The following CAMTA1 variants were observed in gnomAD, a reference collection of about 807,000 sequenced individuals.
CAMTA1 encodes calmodulin binding transcription activator 1, also known as calmodulin-binding transcription activator 1.
CAMTA1 carries 27 observed loss-of-function variants against 170.9 expected under a neutral mutation model. The ratio of observed to expected loss-of-function variants is 0.16; its 90% CI spans 0.12 to 0.22. CAMTA1 has a LOEUF of 0.22. Ranked by LOEUF, CAMTA1 falls within the 10% of genes least tolerant of loss-of-function variation. The probability of loss-of-function intolerance (pLI) is 1.00; values close to 1 mark genes in which losing one functional copy is unlikely to be tolerated. For missense variants in CAMTA1, 1,619 were observed against 2,217.2 expected, an observed-to-expected ratio of 0.73 and a Z score of 5.42; for synonymous variants, 833 against 891.5, an observed-to-expected ratio of 0.93 and a Z score of 1.17.
chr1:7,015,967 A>G (rs193036705), intron 3 of CAMTA1, among the ~76,000 whole-genome samples: 280 of 152,346 alleles, frequency 1.8e-3, no homozygotes, highest in African/African-American at 5.9e-3. Context: ...AGAACTCACT[A>G]TCATGAGAAC....
chr1:7,391,138 C>T (rs557664049), intron 5 of CAMTA1, among the ~76,000 whole-genome samples: 1 of 152,292 alleles, frequency 6.6e-6, no homozygotes, highest in East Asian at 1.9e-4. Flanking sequence ...GCCGGGATTA[C>T]AGGCATGTGC....
chr1:7,142,821 T>C (rs1645965938), intron 4 of CAMTA1, among the ~76,000 whole-genome samples: 1 of 152,222 alleles, frequency 6.6e-6, no homozygotes, highest in African/African-American at 2.4e-5. Context: ...CCTCTTTCCT[T>C]TATAAATTAC....
intron 5 of CAMTA1, among the ~76,000 whole-genome samples, chr1:7,396,782 T>C (rs995111288): frequency 6.6e-6 from 1 of 152,184 alleles, no homozygotes; most frequent in African/African-American, 2.4e-5. Flanking sequence ...ATTATGTTAA[T>C]GTGATGTATC....
At chr1:7,164,424 T>C (rs1647931759) in intron 4 of CAMTA1, among the ~76,000 whole-genome samples, 1 of 152,220 alleles carries the variant, frequency 6.6e-6, no homozygotes, top group African/African-American at 2.4e-5. Flanking sequence ...TAGAGAAAGC[T>C]AGGGGTTTGA....
chr1:7,269,110 G>A (rs1257194774), intron 5 of CAMTA1, among the ~76,000 whole-genome samples: 1 of 152,228 alleles, frequency 6.6e-6, no homozygotes, highest in East Asian at 1.9e-4. Context: ...CAGGAATCCA[G>A]ACATGGCTTG....
chr1:7,475,775 A>T (rs1250220573), intron 6 of CAMTA1, among the ~76,000 whole-genome samples: 2 of 152,234 alleles, frequency 1.3e-5, no homozygotes, highest in Admixed American at 1.3e-4. Flanking sequence ...CCAGTGTTTC[A>T]TAGAAGAAGA....
At chr1:7,220,817 G>C (rs1021018848) in intron 4 of CAMTA1, among the ~76,000 whole-genome samples, 2 of 152,206 alleles carry the variant, frequency 1.3e-5, no homozygotes, top group African/African-American at 4.8e-5. Flanking sequence ...CCCAACTTTG[G>C]GTTTTAACTT....
At chr1:7,608,161 G>A (rs1219800150) in intron 6 of CAMTA1, among the ~76,000 whole-genome samples, 2 of 152,194 alleles carry the variant, frequency 1.3e-5, no homozygotes, top group Admixed American at 6.5e-5. Context: ...TTCAGACCTT[G>A]GCTCTCCTGC....
chr1:7,750,592 G>A (rs545906319), intron 19 of CAMTA1, among the ~76,000 whole-genome samples: 5 of 152,362 alleles, frequency 3.3e-5, no homozygotes, highest in South Asian at 4.1e-4. Context: ...TGGGTCGTCC[G>A]CAGCTCTGTG....
At chr1:7,718,149 C>T (rs75200821) in intron 11 of CAMTA1, among the ~76,000 whole-genome samples, 2,067 of 152,252 alleles carry the variant, frequency 0.014, 54 homozygotes, top group African/African-American at 0.047. Context: ...TTGTCTTGTT[C>T]ACCCTTAGTT....
At chr1:6,917,569 A>C (rs1237623320) in intron 3 of CAMTA1, among the ~76,000 whole-genome samples, 4 of 150,774 alleles carry the variant, frequency 2.7e-5, no homozygotes, top group Non-Finnish European at 5.9e-5. Context: ...GGGTGGGGGG[A>C]AGGGAGGCGT....
chr1:6,860,795 C>G lies in CAMTA1; in HGVS notation c.234+35585C>G, dbSNP rs187068708. Among the ~76,000 whole-genome samples, 11 of 151,870 alleles carry G rather than the reference C, an allele frequency of 7.2e-5. No individual in the cohort carries two copies. The East Asian group carries it at 2.1e-3, about 30-fold the overall frequency. ...GGCGTGGTGGTGCATGCCTGTAATCCCAGCTACTTGGGAGGCTGAGGTGGG... is the reference window on the plus strand; with the variant it reads ...GGCGTGGTGGTGCATGCCTGTAATCGCAGCTACTTGGGAGGCTGAGGTGGG... On this transcript the variant is annotated intron_variant, in intron 3 of 22. Transcript: ENST00000303635.
rs112571156 is a variant in CAMTA1 at position 6,884,291 on chromosome 1, GACACACACACAC to G, written c.234+59115_234+59126del. Among the ~76,000 whole-genome samples the G allele has an allele frequency of 4.5e-3, 618 of 136,622 alleles. 3 individuals are homozygous for G. The highest frequency in any genetic ancestry group is 0.03 in the South Asian group (120 of 4,014). 89.6% of individuals were successfully genotyped at this position (136,622 alleles called of 152,430 possible). ...CAGAGAATTTAGCTTATTCTCTAGA[GACACACACACAC>G]ACACACACACACACACACACACACA... On this transcript the variant is annotated intron_variant, in intron 3 of 22. Coordinates refer to ENST00000303635, the MANE Select transcript of CAMTA1 (RefSeq NM_015215.4).
chr1:7,042,384 G>T (rs1704601541), intron 3 of CAMTA1, among the ~76,000 whole-genome samples: 1 of 152,162 alleles, frequency 6.6e-6, no homozygotes, highest in South Asian at 2.1e-4. Flanking sequence ...TCTTGGCTGG[G>T]ACTTGTGATT....
chr1:6,825,780 T>G (rs1359319539), intron 3 of CAMTA1, among the ~76,000 whole-genome samples: 1 of 152,238 alleles, frequency 6.6e-6, no homozygotes, highest in African/African-American at 2.4e-5. Context: ...TGAAAAAAGT[T>G]AATCATCTTG....
intron 11 of CAMTA1, among the ~76,000 whole-genome samples, chr1:7,695,266 C>T (rs2096363335): frequency 6.6e-6 from 1 of 152,178 alleles, no homozygotes; most frequent in South Asian, 2.1e-4. Flanking sequence ...AGTCTTTACA[C>T]CCCTCCCCTG....
Position 7,234,991 on chromosome 1 carries a change from C to T in CAMTA1, c.303-14500C>T, listed in dbSNP as rs1382606693. Among the ~76,000 whole-genome samples, 5 of 151,792 alleles carry T rather than the reference C, an allele frequency of 3.3e-5. No individual in the cohort carries two copies. Among genetic ancestry groups the T allele is most frequent in the East Asian group, 2.0e-4 (1 of 5,118 alleles). On this transcript the variant is annotated intron_variant, in intron 4 of 22. Coordinates refer to ENST00000303635, the MANE Select transcript of CAMTA1 (RefSeq NM_015215.4). This position sits in a 1 kb window ranked among gnomAD's most constrained non-coding sequence, Gnocchi z 5.0. ...TAGTAGAGATGGGGTTTCACCATGT[C>T]GGTCAGGCTGGTCTCGAACTCCTGA... is the stretch of plus-strand genomic sequence containing the variant.
chr1:7,509,639 C>T (rs530486249), intron 6 of CAMTA1, among the ~76,000 whole-genome samples: 3 of 152,226 alleles, frequency 2.0e-5, no homozygotes, highest in Admixed American at 6.5e-5. Flanking sequence ...CATTATAAAC[C>T]CCATTTCTCA....
At chr1:6,961,809 T>C (rs1690459905) in intron 3 of CAMTA1, among the ~76,000 whole-genome samples, 2 of 152,220 alleles carry the variant, frequency 1.3e-5, no homozygotes, top group South Asian at 2.1e-4. Flanking sequence ...GACTGATTCT[T>C]TCTCACCGGG....
Sources: gnomAD v4.1 joint callset for allele counts (sites outside exome capture counted in the v4.1 genomes callset) on GRCh38, gnomAD v4.1.1 for gene constraint, Gnocchi (gnomAD v3.1) non-coding constraint, MANE v1.5 for transcripts, NCBI Gene and HGNC (gene_info 2026-07-23, HGNC 2026-07-21) for gene names.